TRIM9: variants seen among roughly 807,000 people sequenced by gnomAD.
TRIM9 encodes the protein E3 ubiquitin-protein ligase TRIM9.
TRIM9 carries 26 observed loss-of-function variants against 78.3 expected under a neutral mutation model. The observed-to-expected ratio is 0.33, with a 90% CI of 0.24 to 0.46. The LOEUF (loss-of-function observed/expected upper bound fraction) is 0.46. TRIM9 is among the 20% of genes least tolerant of loss of function. TRIM9 has a pLI of 1.00. For synonymous variants in TRIM9, 398 were observed against 416.5 expected (o/e 0.96, Z 0.54); for missense variants, 787 against 1,036.4 (o/e 0.76, Z 3.30).
Position 51,025,304 on chromosome 14 carries a change from C to T in TRIM9, c.879G>A (p.Glu293=). The change falls in exon 2 of 13, where the codon GAG becomes GAA. Residue 293 remains glutamate, a synonymous_variant. Transcript: ENST00000684578. ...GLSDRAKEAK[E]FLVQLRNMVQ... ...CCATGTTGCGCAGCTGTACCAGAAACTCCTTGGCTTCTTTGGCCCTGTCTG... is the reference window on the plus strand; with the variant it reads ...CCATGTTGCGCAGCTGTACCAGAAATTCCTTGGCTTCTTTGGCCCTGTCTG... 1 of 1,614,228 alleles carries T rather than the reference C, an allele frequency of 6.2e-7. No individual in the cohort carries two copies. Among genetic ancestry groups the T allele is most frequent in the Admixed American group, 1.7e-5 (1 of 60,024 alleles).
In TRIM9 at chr14:50,982,540, A is replaced by G. The variant is rs2052086006; in HGVS notation, c.1858+402T>C. 1.3e-5 allele frequency: 4 copies of G among 305,380 alleles called. No individual in the cohort carries two copies. In the Admixed American group the frequency reaches 1.8e-4, roughly 14 times the overall value. The allele number at this position is 305,380 out of a possible 1,614,324, so 18.9% of individuals were successfully genotyped here. On this transcript the variant is annotated intron_variant, in intron 10 of 12. Transcript: ENST00000684578. ...ATAAAACACATGGAGTGAAATCAGGAAATATCCCTTCGGCAGAAGTGCTAA... is the reference window on the plus strand; with the variant it reads ...ATAAAACACATGGAGTGAAATCAGGGAATATCCCTTCGGCAGAAGTGCTAA...
chr14:51,057,625 A>G (rs1422066277), intron 1 of TRIM9, among the ~76,000 whole-genome samples: 1 of 152,246 alleles, frequency 6.6e-6, no homozygotes, highest in Non-Finnish European at 1.5e-5. Flanking sequence ...TATGAAATAC[A>G]TAGGCAAAAA....
intron 5 of TRIM9, among the ~76,000 whole-genome samples, chr14:51,008,360 C>T (rs978148693): frequency 1.5e-4 from 23 of 152,256 alleles, no homozygotes; most frequent in Admixed American, 6.5e-5. Context: ...ATGAACAAAA[C>T]TTCTTACTAT....
At chr14:51,010,329 AGACTATGTCCTATGG>A in intron 4 of TRIM9, 40 bp downstream of exon 4, 1 of 1,440,930 alleles carries the variant, frequency 6.9e-7, no homozygotes, top group Non-Finnish European at 9.8e-7. Context: ...TAAGCATCCT[AGACTATGTCCTATGG>A]GACATTTAGA....
rs2051107906 is a variant in TRIM9, at chr14:50,976,617, T to C, written c.*674A>G. 6.6e-6 allele frequency: 1 copy of C among 152,644 alleles called. No homozygotes were observed. The highest frequency in any genetic ancestry group is 1.5e-5 in the Non-Finnish European group (1 of 68,030). 9.5% of individuals were successfully genotyped at this position (152,644 alleles called of 1,614,324 possible). A position where few individuals can be genotyped will look rare whatever the true frequency, so the allele number is the denominator to read the frequency against. On this transcript the variant is annotated 3_prime_UTR_variant, in exon 13 of 13. Transcript: ENST00000684578. ...CTGTGTCTTAGAGACTTTCCAATTTTATACAGTGGCCAGGGTTCTGGCCTA... is the reference window on the plus strand; with the variant it reads ...CTGTGTCTTAGAGACTTTCCAATTTCATACAGTGGCCAGGGTTCTGGCCTA...
At chr14:51,094,000 A>G in intron 1 of TRIM9, 118 bp downstream of exon 1, 2 of 991,320 alleles carry the variant, frequency 2.0e-6, no homozygotes, top group Non-Finnish European at 3.0e-6. Context: ...TAAACATCGA[A>G]GGCACCTGCA....
At chr14:51,086,074 C>T (rs535766100) in intron 1 of TRIM9, among the ~76,000 whole-genome samples, 2 of 152,188 alleles carry the variant, frequency 1.3e-5, no homozygotes, top group African/African-American at 4.8e-5. Context: ...AAAAATGACT[C>T]AATTTCTCAG....
intron 1 of TRIM9, among the ~76,000 whole-genome samples, chr14:51,050,684 G>C (rs907822519): frequency 6.6e-6 from 1 of 152,160 alleles, no homozygotes; most frequent in African/African-American, 2.4e-5. Context: ...TCTGAAGCCA[G>C]GTCATAACAA....
intron 3 of TRIM9, among the ~76,000 whole-genome samples, chr14:51,017,888 T>C (rs574869376): frequency 3.1e-4 from 47 of 152,354 alleles, no homozygotes; most frequent in African/African-American, 1.1e-3. Flanking sequence ...ATGGGTAGCC[T>C]GGGCACCCTA....
At chr14:51,084,119 A>G (rs2063548430) in intron 1 of TRIM9, among the ~76,000 whole-genome samples, 1 of 152,200 alleles carries the variant, frequency 6.6e-6, no homozygotes, top group Non-Finnish European at 1.5e-5. Flanking sequence ...AGTTTTAGTA[A>G]GAGTCTTTAT....
chr14:50,995,569 A>G (rs1024831200), intron 7 of TRIM9, among the ~76,000 whole-genome samples: 1 of 152,256 alleles, frequency 6.6e-6, no homozygotes, highest in Non-Finnish European at 1.5e-5. Context: ...ACAGAGTACA[A>G]AAGATGAGCA....
intron 1 of TRIM9, among the ~76,000 whole-genome samples, chr14:51,038,749 A>G (rs572191694): frequency 6.6e-6 from 1 of 152,352 alleles, no homozygotes; most frequent in Non-Finnish European, 1.5e-5. Flanking sequence ...CCCTCCTGCC[A>G]ATCACCAAGA....
intron 1 of TRIM9, among the ~76,000 whole-genome samples, chr14:51,065,573 T>C (rs1302256078): frequency 6.6e-6 from 1 of 152,150 alleles, no homozygotes; most frequent in Non-Finnish European, 1.5e-5. Context: ...GGACACACAT[T>C]TTTGCCCTCC....
intron 5 of TRIM9, among the ~76,000 whole-genome samples, chr14:51,001,228 A>T (rs969952620): frequency 3.1e-5 from 4 of 130,608 alleles, no homozygotes; most frequent in South Asian, 2.6e-4. Context: ...TGTGCTAATA[A>T]TTTTTTTTTT....
intron 7 of TRIM9, among the ~76,000 whole-genome samples, chr14:50,993,437 C>T (rs1338618562): frequency 6.6e-6 from 1 of 151,192 alleles, no homozygotes; most frequent in Non-Finnish European, 1.5e-5. Context: ...GGTGCAATCT[C>T]AGCTCACCGC....
intron 3 of TRIM9, among the ~76,000 whole-genome samples, chr14:51,022,402 A>T (rs145127013): frequency 6.6e-6 from 1 of 152,232 alleles, no homozygotes; most frequent in African/African-American, 2.4e-5. Flanking sequence ...CCAGAAGCCA[A>T]CACCATGCTT....
Position 51,094,742 on chromosome 14 carries a change from G to T in TRIM9, c.198C>A (p.Asp66Glu). 1 of 1,539,814 alleles carries T rather than the reference G, an allele frequency of 6.5e-7. No homozygotes were observed. The highest frequency in any genetic ancestry group is 1.3e-5 in the South Asian group (1 of 79,484). The part of the protein sequence containing the change: ...GVSDYDYLDL[D>E]KMSLYSEADS... The stretch of plus-strand genomic sequence containing the variant: ...CCGCCTCGCTGTATAGGCTCATCTT[G>T]TCCAGGTCCAGATAGTCATAGTCGG... The change falls in exon 1 of 13, where the codon GAC (aspartate) becomes GAA (glutamate). Residue 66 changes from aspartate (D) to glutamate (E), a missense_variant. By Grantham distance (45) the Asp-to-Glu change is conservative. This residue lies in a region of TRIM9 where 352 missense variants were observed against 472.3 expected (regional missense o/e 0.75). Coordinates refer to ENST00000684578, the MANE Select transcript of TRIM9 (RefSeq NM_001387360.1).
intron 12 of TRIM9, chr14:50,978,964 A>C: frequency 9.0e-7 from 1 of 1,107,022 alleles, no homozygotes. Flanking sequence ...AGTGCAGAGA[A>C]GATGCTCAGA....
chr14:51,030,210 A>G (rs773749972), intron 1 of TRIM9, among the ~76,000 whole-genome samples: 17 of 152,234 alleles, frequency 1.1e-4, no homozygotes, highest in Non-Finnish European at 2.2e-4. Flanking sequence ...GTGGGAATTA[A>G]GTAAAGGAAG....
Sources: gnomAD v4.1 joint callset for allele counts (sites outside exome capture counted in the v4.1 genomes callset) on GRCh38, gnomAD v4.1.1 for gene constraint, gnomAD v4.1.1 regional missense constraint, MANE v1.5 for transcripts, NCBI Gene and HGNC (gene_info 2026-07-23, HGNC 2026-07-21) for gene names.